The following MAP3K14 variants were observed in gnomAD, a reference collection of about 807,000 sequenced individuals.
MAP3K14 encodes the protein mitogen-activated protein kinase kinase kinase 14.
A neutral mutation model predicts 99.2 loss-of-function variants in MAP3K14; 16 were observed. The observed-to-expected ratio is 0.16, with a 90% CI of 0.11 to 0.24. The LOEUF is 0.24. MAP3K14 is among the 10% of genes least tolerant of loss of function. The probability of loss-of-function intolerance (pLI) is 1.00; values close to 1 mark genes in which losing one functional copy is unlikely to be tolerated. For missense variants in MAP3K14, 784 were observed against 1,208.7 expected (o/e 0.65, Z 5.21); for synonymous variants, 462 against 492.4 (o/e 0.94, Z 0.82).
intron 11 of MAP3K14, among the ~76,000 whole-genome samples, chr17:45,269,667 C>T (rs969143396): frequency 3.3e-5 from 5 of 152,188 alleles, no homozygotes; most frequent in Non-Finnish European, 7.3e-5. Context: ...GAAGCCTACA[C>T]AAAAACCCAA....
intron 1 of MAP3K14, among the ~76,000 whole-genome samples, chr17:45,304,371 GA>G (rs1321309794): frequency 6.6e-6 from 1 of 152,060 alleles, no homozygotes; most frequent in African/African-American, 2.4e-5. Context: ...TTCCCACCTG[GA>G]AACTTTGTTT....
At chr17:45,310,560 T>A (rs193145724) in intron 1 of MAP3K14, among the ~76,000 whole-genome samples, 168 of 152,246 alleles carry the variant, frequency 1.1e-3, no homozygotes, top group African/African-American at 3.8e-3. Context: ...CATCATGACA[T>A]CATGCTTCAC....
At position 45,271,239 on chromosome 17, in the gene MAP3K14, A is replaced by G; in HGVS notation, c.1658-18T>C. Reference sequence around the variant, plus strand: ...GTAGTCCCCTGAGAAGGGGGATGAGACATAAAGTTACCTGGAATGCTGATG... The same window carrying G: ...GTAGTCCCCTGAGAAGGGGGATGAGGCATAAAGTTACCTGGAATGCTGATG... On this transcript the variant is annotated intron_variant, in intron 9 of 15. Coordinates refer to ENST00000344686, the MANE Select transcript of MAP3K14 (RefSeq NM_003954.5). 2 of 1,587,270 alleles carry G rather than the reference A, an allele frequency of 1.3e-6. No homozygotes were observed. Among genetic ancestry groups the G allele is most frequent in the Non-Finnish European group, 1.7e-6 (2 of 1,171,844 alleles).
intron 1 of MAP3K14, among the ~76,000 whole-genome samples, chr17:45,297,560 A>G (rs2044354982): frequency 6.6e-6 from 1 of 152,218 alleles, no homozygotes; most frequent in Non-Finnish European, 1.5e-5. Context: ...CAGGAGTTCT[A>G]GGTAAGGTGG....
chr17:45,279,548 TCGGCC>T (rs1420394226), intron 6 of MAP3K14, among the ~76,000 whole-genome samples: 74 of 152,272 alleles, frequency 4.9e-4, no homozygotes, highest in African/African-American at 1.7e-3. Flanking sequence ...TTCTCCTGCC[TCGGCC>T]TCCCGAGTAG....
chr17:45,271,412 C>T (rs903102737), intron 9 of MAP3K14, among the ~76,000 whole-genome samples, 191 bp from the exon 10 acceptor site: 2 of 152,200 alleles, frequency 1.3e-5, no homozygotes, highest in African/African-American at 4.8e-5. Flanking sequence ...ATGGCGCGAT[C>T]TTGGCTCACT....
chr17:45,308,157 G>A (rs941904580), intron 1 of MAP3K14, among the ~76,000 whole-genome samples: 7 of 152,364 alleles, frequency 4.6e-5, no homozygotes, highest in South Asian at 2.1e-4. Flanking sequence ...CGTCCTCCCC[G>A]AGGCCAGCAG....
Position 45,264,546 on chromosome 17 carries a change from G to T in MAP3K14, c.*90C>A, listed in dbSNP as rs3744410. On this transcript the variant is annotated 3_prime_UTR_variant, in exon 16 of 16. Transcript: ENST00000344686. ...TGAGCCGGGGGCTGGCAGATCCCTGGGAACGGCTGAGCCTGTGTTTCAGGG... is the reference window on the plus strand; with the variant it reads ...TGAGCCGGGGGCTGGCAGATCCCTGTGAACGGCTGAGCCTGTGTTTCAGGG... 59,891 of 1,416,192 alleles carry T rather than the reference G, an allele frequency of 0.042. 1,565 individuals are homozygous for T. Among genetic ancestry groups the T allele is most frequent in the East Asian group, 0.11 (4,177 of 38,578 alleles). 87.7% of individuals were successfully genotyped at this position (1,416,192 alleles called of 1,614,324 possible).
At chr17:45,295,764 G>A (rs2044342202) in intron 1 of MAP3K14, among the ~76,000 whole-genome samples, 3 of 152,298 alleles carry the variant, frequency 2.0e-5, no homozygotes, top group Admixed American at 6.5e-5. Flanking sequence ...TTTGAAGACC[G>A]AATGAAGACG....
chr17:45,274,973 TA>T (rs1177679107), intron 6 of MAP3K14, among the ~76,000 whole-genome samples: 2 of 150,822 alleles, frequency 1.3e-5, no homozygotes, highest in African/African-American at 4.9e-5. Flanking sequence ...CCGTCTCTAC[TA>T]AAAAATACAA....
rs1359854755 is a variant in MAP3K14, at chr17:45,290,739, C to T, written c.7G>A (p.Val3Met). The T allele has an allele frequency of 6.2e-7, 1 of 1,613,144 alleles. No individual in the cohort carries two copies. MA[V>M]MEMACPGAPG... ...GCACCTGGGCAGGCCATTTCCATCA[C>T]TGCCATCTCCCAGGCTTGTGCTCAT... is the stretch of plus-strand genomic sequence containing the variant. The change falls in exon 2 of 16, where the codon GTG (valine) becomes ATG (methionine). Residue 3 changes from valine (V) to methionine (M), a missense_variant. Physicochemically the swap from Val to Met is conservative, Grantham distance 21 (BLOSUM62 1). This residue lies in a region of MAP3K14 where 188 missense variants were observed against 313.0 expected (regional missense o/e 0.60). Coordinates refer to ENST00000344686, the MANE Select transcript of MAP3K14 (RefSeq NM_003954.5).
At chr17:45,300,221 G>A (rs567725629) in intron 1 of MAP3K14, among the ~76,000 whole-genome samples, 20 of 152,178 alleles carry the variant, frequency 1.3e-4, no homozygotes, top group Non-Finnish European at 2.4e-4. Flanking sequence ...GGCCCTAGCC[G>A]TGCAGAAACT....
intron 1 of MAP3K14, among the ~76,000 whole-genome samples, chr17:45,316,541 C>G (rs1177698845): frequency 6.6e-6 from 1 of 152,182 alleles, no homozygotes; most frequent in African/African-American, 2.4e-5. Flanking sequence ...GGGTTTCACG[C>G]CAGGGCAGAT....
chr17:45,276,823 CTTTT>C (rs35012373), intron 6 of MAP3K14, among the ~76,000 whole-genome samples: 21 of 62,276 alleles, frequency 3.4e-4, no homozygotes, highest in African/African-American at 7.1e-4. Flanking sequence ...TCTTAGACTT[CTTTT>C]TTTTTTTTTT....
At chr17:45,271,571 C>T (rs1308529858) in intron 9 of MAP3K14, among the ~76,000 whole-genome samples, 1 of 152,186 alleles carries the variant, frequency 6.6e-6, no homozygotes, top group African/African-American at 2.4e-5. Context: ...GTCTCGAACT[C>T]CTGACCTCAG....
chr17:45,276,371 C>T (rs1005311571), intron 6 of MAP3K14, among the ~76,000 whole-genome samples: 1 of 152,190 alleles, frequency 6.6e-6, no homozygotes, highest in Non-Finnish European at 1.5e-5. Context: ...ACAGCAGGGA[C>T]GGTGGTATCT....
At chr17:45,274,761 C>T (rs978326496) in intron 6 of MAP3K14, among the ~76,000 whole-genome samples, 168 bp from the exon 7 acceptor site, 1 of 152,186 alleles carries the variant, frequency 6.6e-6, no homozygotes, top group African/African-American at 2.4e-5. Context: ...AATTGTGTAT[C>T]CCGTGCCCTT....
intron 1 of MAP3K14, among the ~76,000 whole-genome samples, chr17:45,291,942 A>C (rs1189201171): frequency 6.6e-6 from 1 of 152,238 alleles, no homozygotes; most frequent in African/African-American, 2.4e-5. Flanking sequence ...GCTGAACTCT[A>C]AGGCCTCTGG....
At chr17:45,271,253 G>A (rs909308443) in intron 9 of MAP3K14, 32 bp from the exon 10 acceptor site, 1 of 1,578,658 alleles carries the variant, frequency 6.3e-7, no homozygotes, top group Non-Finnish European at 8.6e-7. Flanking sequence ...AAAGTTACCT[G>A]GAATGCTGAT....
Sources: allele counts gnomAD v4.1 joint callset (sites outside exome capture counted in the v4.1 genomes callset), GRCh38; gene constraint gnomAD v4.1.1; regional missense constraint gnomAD v4.1.1; transcripts MANE v1.5; gene names NCBI Gene and HGNC (gene_info 2026-07-23, HGNC 2026-07-21).